Variants in SNX1 observed in about 807,000 individuals in gnomAD.
SNX1 encodes the protein sorting nexin 1, also known as sorting nexin-1.
Under a neutral mutation model 71.8 loss-of-function variants are expected in SNX1, and 36 were observed. The ratio of observed to expected loss-of-function variants is 0.50; its 90% CI spans 0.38 to 0.66. The LOEUF is 0.66. Among genes scored for constraint, SNX1 ranks in the 30% least tolerant of loss-of-function variants. The probability of loss-of-function intolerance (pLI) is 0.00; values close to 1 mark genes in which losing one functional copy is unlikely to be tolerated. For synonymous variants in SNX1, 254 were observed against 240.7 expected (o/e 1.06, Z -0.51); for missense variants, 612 against 646.7 (o/e 0.95, Z 0.58).
At chr15:64,105,218 C>CAAA (rs5813278) in intron 1 of SNX1, among the ~76,000 whole-genome samples, 31 of 141,864 alleles carry the variant, frequency 2.2e-4, no homozygotes, top group African/African-American at 5.3e-4. Context: ...GACTCTGTCT[C>CAAA]AAAAAAAAAA....
Position 64,142,728 on chromosome 15 carries a change from G to C in SNX1, c.*5110G>C, listed in dbSNP as rs1170028451. ...TTCAGCGTTTGGGCTCCGGAGTGCT[G>C]AAGATGAGGACTGGACTTCGAGCTG... On this transcript the variant is annotated 3_prime_UTR_variant, in exon 15 of 15. Transcript: ENST00000559844. The C allele has an allele frequency of 2.2e-6, 1 of 455,894 alleles. No homozygotes were observed. The highest frequency in any genetic ancestry group is 4.4e-6 in the Non-Finnish European group (1 of 226,774). 28.2% of individuals were successfully genotyped at this position (455,894 alleles called of 1,614,324 possible). A position where few individuals can be genotyped will look rare whatever the true frequency, so the allele number is the denominator to read the frequency against.
intron 2 of SNX1, among the ~76,000 whole-genome samples, chr15:64,115,384 T>G (rs1309392859): frequency 2.6e-5 from 4 of 152,124 alleles, no homozygotes; most frequent in African/African-American, 9.7e-5. Context: ...CTGTGGAAAC[T>G]TAAACGTTCT....
At chr15:64,116,307 C>T (rs1485139298) in intron 2 of SNX1, among the ~76,000 whole-genome samples, 1 of 152,202 alleles carries the variant, frequency 6.6e-6, no homozygotes, top group African/African-American at 2.4e-5. Context: ...GTTGGTCTTG[C>T]TGCCTCAGGG....
chr15:64,136,779 G>A (rs1300238246), intron 13 of SNX1, 82 bp from the exon 14 acceptor site: 9 of 997,388 alleles, frequency 9.0e-6, no homozygotes, highest in Admixed American at 5.6e-5. Context: ...ACTGTGTTTG[G>A]CCTTGGTCAG....
intron 2 of SNX1, among the ~76,000 whole-genome samples, chr15:64,116,260 T>A (rs1453821332): frequency 2.6e-5 from 4 of 152,230 alleles, no homozygotes; most frequent in Non-Finnish European, 5.9e-5. Context: ...CATTCTTGCA[T>A]CCTCACATTG....
intron 6 of SNX1, 93 bp downstream of exon 6, chr15:64,126,313 T>A: frequency 7.7e-7 from 1 of 1,291,772 alleles, no homozygotes; most frequent in Non-Finnish European, 1.1e-6. Flanking sequence ...CTACTTCTAT[T>A]AACAGTCTTG....
chr15:64,098,116 TTCC>T (rs2080921998), intron 1 of SNX1, among the ~76,000 whole-genome samples: 1 of 152,246 alleles, frequency 6.6e-6, no homozygotes, highest in Admixed American at 6.5e-5. Context: ...GGATCCTCCC[TTCC>T]TCCTAAGTAG....
chr15:64,107,845 T>A (rs2081038031), intron 1 of SNX1, among the ~76,000 whole-genome samples: 1 of 152,196 alleles, frequency 6.6e-6, no homozygotes, highest in African/African-American at 2.4e-5. Flanking sequence ...ATTTAGCCCC[T>A]TTCACACAGG....
chr15:64,125,781 T>TC (rs2081244930), intron 5 of SNX1, among the ~76,000 whole-genome samples: 1 of 152,346 alleles, frequency 6.6e-6, no homozygotes, highest in East Asian at 1.9e-4. Flanking sequence ...AATTTTTTTT[T>TC]CTCAAGGGTC....
chr15:64,100,085 G>A (rs1050238748), intron 1 of SNX1, among the ~76,000 whole-genome samples: 2 of 152,194 alleles, frequency 1.3e-5, no homozygotes, highest in Non-Finnish European at 2.9e-5. Flanking sequence ...ACAGAGAGGA[G>A]CATTGAAGAA....
chr15:64,132,877 G>A (rs1359165232), intron 11 of SNX1, among the ~76,000 whole-genome samples: 3 of 152,226 alleles, frequency 2.0e-5, no homozygotes, highest in African/African-American at 7.2e-5. Flanking sequence ...TAACTCCAGA[G>A]TGATGAGTCT....
intron 5 of SNX1, among the ~76,000 whole-genome samples, chr15:64,124,416 A>G (rs1595995655): frequency 1.3e-5 from 2 of 150,574 alleles, no homozygotes; most frequent in Admixed American, 6.6e-5. Context: ...CTGAGGCAGG[A>G]GAATGGCGTG....
At chr15:64,136,284 T>C (rs760282029) in intron 12 of SNX1, 46 bp from the exon 13 acceptor site, 1 of 1,449,520 alleles carries the variant, frequency 6.9e-7, no homozygotes, top group Non-Finnish European at 9.7e-7. Flanking sequence ...GGCTTAATAA[T>C]GGTGCCATAA....
chr15:64,136,492 T>C, intron 13 of SNX1, 82 bp downstream of exon 13: 2 of 1,238,566 alleles, frequency 1.6e-6, no homozygotes, highest in Non-Finnish European at 2.4e-6. Context: ...CTCTGTTGGG[T>C]AAAGAGAGAG....
At chr15:64,100,975 T>C (rs1168668702) in intron 1 of SNX1, among the ~76,000 whole-genome samples, 1 of 152,170 alleles carries the variant, frequency 6.6e-6, no homozygotes, top group Non-Finnish European at 1.5e-5. Flanking sequence ...ATTTATTTAT[T>C]TTTTTGTAGA....
At chr15:64,105,739 C>A (rs1056501526) in intron 1 of SNX1, among the ~76,000 whole-genome samples, 3 of 152,200 alleles carry the variant, frequency 2.0e-5, no homozygotes, top group Non-Finnish European at 2.9e-5. Flanking sequence ...AGTAGAATGT[C>A]TGAGGCTAAA....
chr15:64,133,645 G>A (rs577947595), intron 11 of SNX1, among the ~76,000 whole-genome samples: 46 of 152,336 alleles, frequency 3.0e-4, no homozygotes, highest in Middle Eastern at 3.4e-3. Flanking sequence ...CAGGAGAATC[G>A]CTTGAAACCA....
At chr15:64,127,063 A>G in intron 6 of SNX1, 111 bp from the exon 7 acceptor site, 1 of 775,364 alleles carries the variant, frequency 1.3e-6, no homozygotes, top group Middle Eastern at 2.6e-4. Context: ...AAGTGGCCTT[A>G]GGCTGTGTGC....
chr15:64,111,988 C>T (rs2081082409), intron 1 of SNX1, among the ~76,000 whole-genome samples: 1 of 152,348 alleles, frequency 6.6e-6, no homozygotes, highest in South Asian at 2.1e-4. Flanking sequence ...AGTTTTTATT[C>T]TCCTAGCTTG....
Sources: gnomAD v4.1 joint callset for allele counts (sites outside exome capture counted in the v4.1 genomes callset) on GRCh38, gnomAD v4.1.1 for gene constraint, MANE v1.5 for transcripts, NCBI Gene and HGNC (gene_info 2026-07-23, HGNC 2026-07-21) for gene names.